Variants in KLHL22 observed in about 807,000 individuals in gnomAD.
KLHL22 encodes the protein kelch-like protein 22.
In KLHL22, 18 loss-of-function variants were observed where a neutral mutation model predicts 60.7. That is an observed-to-expected ratio of 0.30 (90% CI 0.20 to 0.44). The LOEUF (loss-of-function observed/expected upper bound fraction) is 0.44. KLHL22 is among the 20% of genes least tolerant of loss of function. The pLI, the probability that KLHL22 is intolerant of heterozygous loss-of-function variation, is 1.00. For missense variants in KLHL22, 596 were observed against 852.3 expected, an observed-to-expected ratio of 0.70 and a Z score of 3.74; for synonymous variants, 355 against 354.5, an observed-to-expected ratio of 1.00 and a Z score of -0.01.
rs372979261 is a variant in KLHL22 at position 20,464,919 on chromosome 22, C to T, written c.1051G>A (p.Val351Ile). The T allele has an allele frequency of 1.8e-5, 28 of 1,573,958 alleles. No individual in the cohort carries two copies. The highest frequency in any genetic ancestry group is 2.2e-5 in the East Asian group (1 of 44,784). Residue 351 changes from valine to isoleucine, a missense_variant, in exon 4 of 7, where the codon GTA becomes ATA. Physicochemically the swap from Val to Ile is conservative, Grantham distance 29 (BLOSUM62 3). Coordinates refer to ENST00000328879, the MANE Select transcript of KLHL22 (RefSeq NM_032775.4). ...NQGIAVLNNF[V>I]YLIGGDNNVQ... ...TTGTTGTCCCCTCCAATCAAGTATACGAAGTTGTTGAGCACCGCGATGCCC... is the reference window on the plus strand; with the variant it reads ...TTGTTGTCCCCTCCAATCAAGTATATGAAGTTGTTGAGCACCGCGATGCCC...
intron 2 of KLHL22, among the ~76,000 whole-genome samples, chr22:20,478,211 T>C (rs2053443647): frequency 6.6e-6 from 1 of 150,700 alleles, no homozygotes; most frequent in South Asian, 2.1e-4. Context: ...TTTAATTTTT[T>C]TTTTTTTTTC....
At chr22:20,446,289 A>ACTGT (rs1342793085) in intron 6 of KLHL22, among the ~76,000 whole-genome samples, 154 bp downstream of exon 6, 1 of 152,182 alleles carries the variant, frequency 6.6e-6, no homozygotes. Context: ...GTGTATGGAA[A>ACTGT]CTGTACCTTC....
At chr22:20,457,744 C>T in intron 5 of KLHL22, 64 bp downstream of exon 5, 6 of 1,348,826 alleles carry the variant, frequency 4.4e-6, no homozygotes, top group Admixed American at 2.1e-5. Context: ...AGGCCTCTCA[C>T]TCTTTGCACA....
intron 5 of KLHL22, among the ~76,000 whole-genome samples, chr22:20,457,293 A>G (rs1025987495): frequency 2.0e-5 from 3 of 152,108 alleles, no homozygotes; most frequent in Non-Finnish European, 4.4e-5. Flanking sequence ...AAGTTGTCCC[A>G]ATATTCAAAC....
At chr22:20,449,752 T>C (rs924493036) in intron 5 of KLHL22, among the ~76,000 whole-genome samples, 1 of 152,248 alleles carries the variant, frequency 6.6e-6, no homozygotes, top group Non-Finnish European at 1.5e-5. Flanking sequence ...TATTTAATAC[T>C]AGTCCTTTGT....
At chr22:20,469,256 A>G (rs986278861) in intron 3 of KLHL22, among the ~76,000 whole-genome samples, 1 of 152,186 alleles carries the variant, frequency 6.6e-6, no homozygotes, top group African/African-American at 2.4e-5. Context: ...ACCGAGAAGG[A>G]TGACCTGTCC....
At chr22:20,477,622 A>G (rs1251561777) in intron 2 of KLHL22, among the ~76,000 whole-genome samples, 1 of 152,202 alleles carries the variant, frequency 6.6e-6, no homozygotes, top group African/African-American at 2.4e-5. Context: ...AAAACAACAC[A>G]AAAAAGTTCA....
Position 20,471,330 on chromosome 22 carries a change from C to T in KLHL22, c.393+20G>A. ...CCCACCTGGGTGTGGGTCTGCCTTGCTAGATGAGACATGCCTCACCTGAAG... is the reference window on the plus strand; with the variant it reads ...CCCACCTGGGTGTGGGTCTGCCTTGTTAGATGAGACATGCCTCACCTGAAG... On this transcript the variant is annotated intron_variant, in intron 3 of 6. Coordinates refer to ENST00000328879, the MANE Select transcript of KLHL22 (RefSeq NM_032775.4). 2 of 1,610,028 alleles carry T rather than the reference C, an allele frequency of 1.2e-6. No homozygotes were observed. The highest frequency in any genetic ancestry group is 4.5e-5 in the East Asian group (2 of 44,828).
Position 20,489,050 on chromosome 22 carries a change from C to G in KLHL22, c.162G>C (p.Leu54=). 6.2e-7 allele frequency: 1 copy of G among 1,614,084 alleles called. No individual in the cohort carries two copies. Among genetic ancestry groups the G allele is most frequent in the Non-Finnish European group, 8.5e-7 (1 of 1,180,042 alleles). The change falls in exon 2 of 7, where the codon CTG becomes CTC. Residue 54 remains leucine (L), a synonymous_variant. Coordinates refer to ENST00000328879, the MANE Select transcript of KLHL22 (RefSeq NM_032775.4). ...RDSGILFDVV[L]VVEGRHIEAH... ...CCTCGATGTGTCTGCCCTCCACCACCAGCACAACATCGAAGAGGATTCCGC... is the reference window on the plus strand; with the variant it reads ...CCTCGATGTGTCTGCCCTCCACCACGAGCACAACATCGAAGAGGATTCCGC...
chr22:20,446,237 G>T (rs2052857433), intron 6 of KLHL22, among the ~76,000 whole-genome samples: 1 of 152,206 alleles, frequency 6.6e-6, no homozygotes. Flanking sequence ...GGAGCGAGAG[G>T]TCTGCAGTGG....
At chr22:20,487,981 T>C (rs966442687) in intron 2 of KLHL22, among the ~76,000 whole-genome samples, 4 of 152,128 alleles carry the variant, frequency 2.6e-5, no homozygotes, top group South Asian at 4.1e-4. Flanking sequence ...ATTAAAGGCC[T>C]CAGCTGAATT....
intron 5 of KLHL22, among the ~76,000 whole-genome samples, chr22:20,455,026 C>T (rs1296153976): frequency 6.6e-6 from 1 of 152,076 alleles, no homozygotes; most frequent in Admixed American, 6.6e-5. Flanking sequence ...GGACTATAGG[C>T]GCCTGCCACC....
At chr22:20,451,349 A>T in intron 5 of KLHL22, 1 of 1,611,690 alleles carries the variant, frequency 6.2e-7, no homozygotes. Flanking sequence ...ATGCTGGGAG[A>T]TATGCAGACA....
At chr22:20,450,592 CAGA>C (rs1569123513) in intron 5 of KLHL22, 2 of 1,607,578 alleles carry the variant, frequency 1.2e-6, no homozygotes, top group Non-Finnish European at 8.5e-7. Flanking sequence ...GGTTTTTAGC[CAGA>C]AGAATTTTCC....
chr22:20,449,714 A>G (rs1294691467), intron 5 of KLHL22, among the ~76,000 whole-genome samples: 1 of 152,112 alleles, frequency 6.6e-6, no homozygotes, highest in Non-Finnish European at 1.5e-5. Context: ...CCGTTTATTG[A>G]GTTTTAAGAG....
intron 5 of KLHL22, among the ~76,000 whole-genome samples, chr22:20,447,666 C>A (rs2052894522): frequency 6.6e-6 from 1 of 151,954 alleles, no homozygotes; most frequent in South Asian, 2.1e-4. Context: ...CCTCAGCTTC[C>A]CGAGTAGCTG....
chr22:20,492,594 CT>C (rs528646242), intron 1 of KLHL22, among the ~76,000 whole-genome samples: 6,225 of 144,410 alleles, frequency 0.043, 149 homozygotes, highest in South Asian at 0.11. Context: ...CAAACCTGCC[CT>C]TTTTTTTTTT....
chr22:20,451,108 A>C, intron 5 of KLHL22: 1 of 1,483,890 alleles, frequency 6.7e-7, no homozygotes, highest in East Asian at 2.3e-5. Flanking sequence ...ACATGACCAG[A>C]TCTACGTCAT....
At chr22:20,490,821 T>C (rs1303449319) in intron 1 of KLHL22, among the ~76,000 whole-genome samples, 1 of 152,168 alleles carries the variant, frequency 6.6e-6, no homozygotes, top group African/African-American at 2.4e-5. Context: ...GTGGTAATGC[T>C]GGATCACCCT....
Sources: gnomAD v4.1 joint callset for allele counts (sites outside exome capture counted in the v4.1 genomes callset) on GRCh38, gnomAD v4.1.1 for gene constraint, MANE v1.5 for transcripts, NCBI Gene and HGNC (gene_info 2026-07-23, HGNC 2026-07-21) for gene names.